Variants in SEMA3C observed in about 807,000 individuals in gnomAD.
SEMA3C encodes semaphorin-3C.
SEMA3C carries 47 observed loss-of-function variants against 89.4 expected under a neutral mutation model. That is an observed-to-expected ratio of 0.53 (90% CI 0.42 to 0.67). SEMA3C has a LOEUF of 0.67. Ranked by LOEUF, SEMA3C falls within the 30% of genes least tolerant of loss-of-function variation. The probability of loss-of-function intolerance (pLI) is 0.00; values close to 1 mark genes in which losing one functional copy is unlikely to be tolerated. For synonymous variants in SEMA3C, 310 were observed against 320.2 expected, an observed-to-expected ratio of 0.97 and a Z score of 0.34; for missense variants, 839 against 929.1, an observed-to-expected ratio of 0.90 and a Z score of 1.26.
chr7:80,911,089 G>A (rs182797953), intron 2 of SEMA3C, among the ~76,000 whole-genome samples: 337 of 152,202 alleles, frequency 2.2e-3, no homozygotes, highest in African/African-American at 7.9e-3. Flanking sequence ...ATAAATTAAA[G>A]GGGGAATTTG....
chr7:80,772,698 GT>G (rs1263735338), intron 12 of SEMA3C, among the ~76,000 whole-genome samples: 1,517 of 142,988 alleles, frequency 0.011, 17 homozygotes, highest in African/African-American at 0.032. Flanking sequence ...GGTTAAACAT[GT>G]TTTTTTTTTT....
At chr7:80,800,705 A>C in intron 10 of SEMA3C, 52 bp downstream of exon 10, 1 of 1,052,644 alleles carries the variant, frequency 9.5e-7, no homozygotes, top group Non-Finnish European at 1.4e-6. Flanking sequence ...AATTACTGTT[A>C]CTCCATGAAG....
At chr7:80,750,471 T>TACACACAC (rs1450069681) in intron 16 of SEMA3C, among the ~76,000 whole-genome samples, 200 of 52,350 alleles carry the variant, frequency 3.8e-3, no homozygotes, top group East Asian at 6.6e-3. Flanking sequence ...TATATATATA[T>TACACACAC]ATACACACAC....
intron 2 of SEMA3C, among the ~76,000 whole-genome samples, chr7:80,872,923 GAA>G (rs758696880): frequency 2.9e-3 from 231 of 79,636 alleles, no homozygotes; most frequent in African/African-American, 8.4e-3. Context: ...GAATGAGAGT[GAA>G]AAAAAAAAAA....
At chr7:80,845,673 G>A (rs1446351358) in intron 2 of SEMA3C, among the ~76,000 whole-genome samples, 1 of 152,060 alleles carries the variant, frequency 6.6e-6, no homozygotes, top group African/African-American at 2.4e-5. Flanking sequence ...GATGGAAAAT[G>A]GCATGAGCCT....
chr7:80,804,778 C>T (rs1789296934), intron 7 of SEMA3C, among the ~76,000 whole-genome samples: 1 of 152,080 alleles, frequency 6.6e-6, no homozygotes, highest in South Asian at 2.1e-4. Flanking sequence ...TATTCTATTT[C>T]CAGATGTACT....
At chr7:80,815,123 T>C (rs2115741196) in intron 5 of SEMA3C, among the ~76,000 whole-genome samples, 1 of 152,264 alleles carries the variant, frequency 6.6e-6, no homozygotes, top group East Asian at 1.9e-4. Context: ...TTATTCTCAT[T>C]AAATGAATAT....
chr7:80,874,109 A>C (rs1275604009), intron 2 of SEMA3C, among the ~76,000 whole-genome samples: 1 of 152,218 alleles, frequency 6.6e-6, no homozygotes, highest in Non-Finnish European at 1.5e-5. Context: ...CTAACAACTT[A>C]TAATCAATGG....
At chr7:80,776,212 A>G (rs796395453) in intron 12 of SEMA3C, among the ~76,000 whole-genome samples, 32 of 152,068 alleles carry the variant, frequency 2.1e-4, no homozygotes, top group African/African-American at 6.7e-4. Context: ...TCAGGAGTAG[A>G]TAACAATTGC....
intron 2 of SEMA3C, among the ~76,000 whole-genome samples, chr7:80,889,740 A>G (rs957245010): frequency 2.0e-5 from 3 of 152,036 alleles, no homozygotes; most frequent in African/African-American, 7.2e-5. Context: ...TTGTAAAAAG[A>G]AAAAAAAGAT....
chr7:80,873,037 T>C (rs1464815412), intron 2 of SEMA3C, among the ~76,000 whole-genome samples: 1 of 151,920 alleles, frequency 6.6e-6, no homozygotes, highest in Non-Finnish European at 1.5e-5. Context: ...AGACCACGCT[T>C]TGAGAACTAC....
intron 2 of SEMA3C, among the ~76,000 whole-genome samples, chr7:80,911,788 C>A (rs1281763733): frequency 6.6e-6 from 1 of 151,978 alleles, no homozygotes; most frequent in African/African-American, 2.4e-5. Flanking sequence ...TGGCCACCAC[C>A]ATGCCTGGCT....
intron 6 of SEMA3C, among the ~76,000 whole-genome samples, chr7:80,807,844 T>C (rs1789378434): frequency 2.0e-5 from 3 of 152,160 alleles, no homozygotes; most frequent in Admixed American, 6.5e-5. Flanking sequence ...AAAGTACTAT[T>C]ACATGGTTAA....
intron 2 of SEMA3C, among the ~76,000 whole-genome samples, chr7:80,898,859 A>G (rs1181022142): frequency 6.6e-6 from 1 of 151,700 alleles, no homozygotes; most frequent in East Asian, 1.9e-4. Flanking sequence ...ACTGTTGGTC[A>G]TAGTAGTGGC....
At chr7:80,911,219 A>C (rs1792139667) in intron 2 of SEMA3C, among the ~76,000 whole-genome samples, 1 of 152,186 alleles carries the variant, frequency 6.6e-6, no homozygotes, top group African/African-American at 2.4e-5. Flanking sequence ...TTACTGAGAA[A>C]AATTCTTTTC....
chr7:80,835,336 T>A (rs138675350), intron 2 of SEMA3C, among the ~76,000 whole-genome samples: 1 of 152,206 alleles, frequency 6.6e-6, no homozygotes, highest in Non-Finnish European at 1.5e-5. Flanking sequence ...TCTGTTATTC[T>A]GTTTGGCTAG....
At chr7:80,879,427 G>A (rs1307760868) in intron 2 of SEMA3C, among the ~76,000 whole-genome samples, 2 of 152,074 alleles carry the variant, frequency 1.3e-5, no homozygotes, top group African/African-American at 4.8e-5. Context: ...CAGGGTAAGG[G>A]GCAAGAGAGA....
chr7:80,797,096 CTT>C (rs1369886580), intron 11 of SEMA3C, among the ~76,000 whole-genome samples: 5 of 151,904 alleles, frequency 3.3e-5, no homozygotes, highest in African/African-American at 1.2e-4. Flanking sequence ...ATAAATGTAT[CTT>C]TTGATTTTTA....
intron 2 of SEMA3C, among the ~76,000 whole-genome samples, chr7:80,843,245 A>G (rs553930907): frequency 3.9e-5 from 6 of 152,284 alleles, no homozygotes; most frequent in African/African-American, 1.4e-4. Context: ...TACTCAAGAT[A>G]ATGGATATTC....
Sources: gnomAD v4.1 joint callset for allele counts (sites outside exome capture counted in the v4.1 genomes callset) on GRCh38, gnomAD v4.1.1 for gene constraint, MANE v1.5 for transcripts, NCBI Gene and HGNC (gene_info 2026-07-23, HGNC 2026-07-21) for gene names.